The following TPPP2 variants were observed in gnomAD, a reference collection of about 807,000 sequenced individuals.
The protein encoded by TPPP2 is tubulin polymerization promoting protein family member 2.
Under a neutral mutation model 13.0 loss-of-function variants are expected in TPPP2, and 8 were observed. The ratio of observed to expected loss-of-function variants is 0.62; its 90% CI spans 0.36 to 1.11. TPPP2 has a LOEUF of 1.11. Ranked by LOEUF, TPPP2 falls within the 50% of genes most tolerant of loss-of-function variation. TPPP2 has a pLI of 0.02. For missense variants in TPPP2, 213 were observed against 216.9 expected, an observed-to-expected ratio of 0.98 and a Z score of 0.11; for synonymous variants, 81 against 81.8, an observed-to-expected ratio of 0.99 and a Z score of 0.05.
downstream of TPPP2, chr14:21,032,971 A>G (rs1249437327): frequency 4.4e-6 from 2 of 456,068 alleles, no homozygotes; most frequent in East Asian, 6.9e-5. Context: ...ATGTTCGATT[A>G]GAGCCGGGCC....
chr14:21,032,976 C>A (rs185545100), downstream of TPPP2: 1 of 456,084 alleles, frequency 2.2e-6, no homozygotes, highest in East Asian at 6.9e-5. Flanking sequence ...CGATTAGAGC[C>A]GGGCCTGCCT....
chr14:21,034,090 C>G (rs745935764), downstream of TPPP2: 4 of 1,614,170 alleles, frequency 2.5e-6, no homozygotes, highest in Non-Finnish European at 3.4e-6. Context: ...TTTGGGCAAT[C>G]TGAATTTTGC....
rs1251216210 is a variant in TPPP2 at position 21,025,183 on chromosome 14, C to A, written n.236+839C>A. The A allele has an allele frequency of 4.5e-6, 4 of 886,296 alleles. No individual in the cohort carries two copies. In the East Asian group the frequency reaches 4.8e-4, roughly 106 times the overall value. 54.9% of individuals were successfully genotyped at this position (886,296 alleles called of 1,614,324 possible). A position where few individuals can be genotyped will look rare whatever the true frequency, so the allele number is the denominator to read the frequency against. ...CCCCAGACCCCCAGTAAACACGCCC[C>A]CCCTTTCACCCCGCCCAGACTGCCG... On this transcript the variant is annotated intron_variant and non_coding_transcript_variant, in intron 1 of 1. Transcript: ENST00000533755. This position sits in a 1 kb window ranked among gnomAD's most constrained non-coding sequence, Gnocchi z 5.1.
chr14:21,035,966 T>G (rs1293565696), downstream of TPPP2: 1 of 395,644 alleles, frequency 2.5e-6, no homozygotes, highest in Admixed American at 3.1e-5. Flanking sequence ...ACCATCTATC[T>G]GTTTACGAAA....
chr14:21,034,173 T>G (rs780229036), downstream of TPPP2: 1 of 1,614,052 alleles, frequency 6.2e-7, no homozygotes, highest in East Asian at 2.2e-5. Flanking sequence ...AACCCTGGGA[T>G]AGTCAATGCT....
At chr14:21,027,196 C>A (rs1243453), upstream of TPPP2, among the ~76,000 whole-genome samples, 95,015 of 151,574 alleles carry the variant, frequency 0.63, 32,070 homozygotes, top group East Asian at 0.88. Flanking sequence ...GGCTGGTTCT[C>A]CCCTAAGATA....
chr14:21,029,199 A>T (rs1194106324), upstream of TPPP2: 1 of 152,214 alleles, frequency 6.6e-6, no homozygotes, highest in Non-Finnish European at 1.5e-5. Flanking sequence ...TCTCCATGCT[A>T]CACTTGAGCC....
intron 2 of TPPP2, 92 bp downstream of exon 2, chr14:21,030,846 G>A (rs2139074259): frequency 2.0e-6 from 3 of 1,521,934 alleles, no homozygotes; most frequent in Non-Finnish European, 1.8e-6. Context: ...TTTGCAGTGG[G>A]CCTACCAAGC....
At position 21,030,576 on chromosome 14, in the gene TPPP2, C is replaced by G. The variant is rs1190971580; in HGVS notation, c.-6C>G. 6.2e-7 allele frequency: 1 copy of G among 1,613,022 alleles called. No individual in the cohort carries two copies. The highest frequency in any genetic ancestry group is 8.5e-7 in the Non-Finnish European group (1 of 1,179,630). ...CACGACTGCCCTCCCCGACCTCTAGCTGACCATGGCATCAGAGGCAGAAAA... is the reference window on the plus strand; with the variant it reads ...CACGACTGCCCTCCCCGACCTCTAGGTGACCATGGCATCAGAGGCAGAAAA... On this transcript the variant is annotated 5_prime_UTR_variant, in exon 2 of 4. Transcript: ENST00000321760.
chr14:21,036,287 G>T (rs1884622133), downstream of TPPP2: 1 of 456,096 alleles, frequency 2.2e-6, no homozygotes, highest in Non-Finnish European at 4.4e-6. Flanking sequence ...GAAAAAGTGT[G>T]ATCCCTTCTT....
At chr14:21,027,568 A>T (rs1243454), upstream of TPPP2, among the ~76,000 whole-genome samples, 62,523 of 152,140 alleles carry the variant, frequency 0.41, 14,867 homozygotes, top group East Asian at 0.73. Context: ...CATAATAGGT[A>T]TAGTATCCCC....
Position 21,025,212 on chromosome 14 carries a change from A to C in TPPP2, n.236+868A>C, listed in dbSNP as rs1338786119. On this transcript the variant is annotated intron_variant and non_coding_transcript_variant, in intron 1 of 1. Coordinates refer to the TPPP2 transcript ENST00000533755. This position sits in a 1 kb window ranked among gnomAD's most constrained non-coding sequence, Gnocchi z 5.1. ...TTTCACCCCGCCCAGACTGCCGCTC[A>C]GGAAAGGGTTGTGCTGGGGCCGGGG... The C allele has an allele frequency of 8.1e-6, 7 of 860,766 alleles. No homozygotes were observed. The South Asian group carries it at 2.1e-4, about 26-fold the overall frequency. 53.3% of individuals were successfully genotyped at this position (860,766 alleles called of 1,614,324 possible).
At chr14:21,035,224 C>T (rs1884542423), downstream of TPPP2, among the ~76,000 whole-genome samples, 1 of 152,232 alleles carries the variant, frequency 6.6e-6, no homozygotes, top group South Asian at 2.1e-4. Flanking sequence ...CACCTGTGAC[C>T]TCAGGCCCTG....
rs114785449 is a variant in TPPP2, at chr14:21,030,871, G to A, written c.173+117G>A. On this transcript the variant is annotated intron_variant, in intron 2 of 3. Coordinates refer to ENST00000321760, the MANE Select transcript of TPPP2 (RefSeq NM_173846.5). ...GCCTACCAAGCACCACAGGGTACCT[G>A]GCGCTGTGCTATCCTTTGTCTTCGA... The A allele has an allele frequency of 1.2e-3, 1,772 of 1,503,290 alleles. 8 individuals carry two copies. The African/African-American group carries it at 0.021, about 18-fold the overall frequency. 93.1% of individuals were successfully genotyped at this position (1,503,290 alleles called of 1,614,324 possible). A position where few individuals can be genotyped will look rare whatever the true frequency, so the allele number is the denominator to read the frequency against.
At chr14:21,033,745 G>C (rs771895209), downstream of TPPP2, 4 of 1,050,210 alleles carry the variant, frequency 3.8e-6, no homozygotes, top group Non-Finnish European at 6.0e-6. Context: ...AGGAAGTCTT[G>C]TTACAGGGAT....
chr14:21,026,152 G>GCACA (rs147701833), upstream of TPPP2, among the ~76,000 whole-genome samples: 3 of 149,612 alleles, frequency 2.0e-5, no homozygotes, highest in Non-Finnish European at 3.0e-5. Context: ...ACACGCACAC[G>GCACA]CACACACACA....
At chr14:21,027,482 A>G (rs77601565), upstream of TPPP2, among the ~76,000 whole-genome samples, 4,270 of 152,286 alleles carry the variant, frequency 0.028, 204 homozygotes, top group African/African-American at 0.097. Context: ...ATATAAGATC[A>G]ATCATTTGGA....
rs1006541512 is a variant in TPPP2, at chr14:21,032,670, C to T, written c.*593C>T. ...AGAACTAAGTTTTACCCCACATCAC[C>T]TCCATCATGGGGCACATGGGACAGA... On this transcript the variant is annotated 3_prime_UTR_variant, in exon 4 of 4. Coordinates refer to ENST00000321760, the MANE Select transcript of TPPP2 (RefSeq NM_173846.5). The T allele has an allele frequency of 2.9e-6, 1 of 343,520 alleles. No homozygotes were observed. The highest frequency in any genetic ancestry group is 2.2e-5 in the African/African-American group (1 of 46,028). The allele number at this position is 343,520 out of a possible 1,614,324, so 21.3% of individuals were successfully genotyped here. A position where few individuals can be genotyped will look rare whatever the true frequency, so the allele number is the denominator to read the frequency against.
At chr14:21,029,567 A>G (rs184093013), upstream of TPPP2, among the ~76,000 whole-genome samples, 1 of 152,338 alleles carries the variant, frequency 6.6e-6, no homozygotes. Context: ...ACTGCATTTC[A>G]GCCTGGGCAA....
Sources: gnomAD v4.1 joint callset for allele counts (sites outside exome capture counted in the v4.1 genomes callset) on GRCh38, gnomAD v4.1.1 for gene constraint, Gnocchi (gnomAD v3.1) non-coding constraint, MANE v1.5 for transcripts, NCBI Gene and HGNC (gene_info 2026-07-23, HGNC 2026-07-21) for gene names.